Variants in ERC1 observed in about 807,000 individuals in gnomAD.
ERC1 encodes ELKS/RAB6-interacting/CAST family member 1.
A neutral mutation model predicts 132.0 loss-of-function variants in ERC1; 56 were observed. That is an observed-to-expected ratio of 0.42 (90% confidence interval 0.34 to 0.53). The LOEUF (loss-of-function observed/expected upper bound fraction) is 0.53, where lower values mean the gene tolerates loss of function less well. ERC1 is among the 20% of genes least tolerant of loss of function. The pLI, the probability that ERC1 is intolerant of heterozygous loss-of-function variation, is 0.03. For synonymous variants in ERC1, 478 were observed against 476.1 expected, an observed-to-expected ratio of 1.00 and a Z score of -0.05; for missense variants, 1,202 against 1,349.9, an observed-to-expected ratio of 0.89 and a Z score of 1.72.
At chr12:1,056,407 G>A (rs1201047328) in intron 2 of ERC1, among the ~76,000 whole-genome samples, 8 of 152,120 alleles carry the variant, frequency 5.3e-5, no homozygotes, top group Middle Eastern at 3.2e-3. Flanking sequence ...ATAGGCAAAA[G>A]AAAGAGAAGA....
chr12:1,263,504 T>C (rs1594638698), intron 14 of ERC1, among the ~76,000 whole-genome samples: 1 of 152,186 alleles, frequency 6.6e-6, no homozygotes, highest in East Asian at 1.9e-4. Flanking sequence ...GTATGAGAAT[T>C]GACTCATGTT....
At chr12:1,353,464 G>GTAATATAAT (rs2085225291) in intron 15 of ERC1, among the ~76,000 whole-genome samples, 1 of 152,142 alleles carries the variant, frequency 6.6e-6, no homozygotes, top group African/African-American at 2.4e-5. Flanking sequence ...AGCTCTTTCA[G>GTAATATAAT]TCTTAATAAT....
chr12:1,490,108 G>C lies in ERC1; in HGVS notation c.3229G>C (p.Glu1077Gln), dbSNP rs759970105. 26 of 1,613,920 alleles carry C rather than the reference G, an allele frequency of 1.6e-5. No individual in the cohort carries two copies. Among genetic ancestry groups the C allele is most frequent in the Non-Finnish European group, 1.8e-5 (21 of 1,179,892 alleles). Residue 1077 changes from glutamate to glutamine, a missense_variant, in exon 19 of 19, where the codon GAG (glutamate) becomes CAG (glutamine). Glu to Gln is a conservative substitution (Grantham distance 29, BLOSUM62 2). Coordinates refer to ENST00000360905, the MANE Select transcript of ERC1 (RefSeq NM_178040.4). ...MTRGQLQDEL[E>Q]KGERDNAELQ... Reference sequence around the variant, plus strand: ...TCCCTTTCAGCTTCAGGATGAGTTAGAGAAAGGTGAACGGGACAATGCAGA... The same window carrying C: ...TCCCTTTCAGCTTCAGGATGAGTTACAGAAAGGTGAACGGGACAATGCAGA...
chr12:1,025,475 A>C (rs17755802), intron 1 of ERC1, among the ~76,000 whole-genome samples: 259 of 152,250 alleles, frequency 1.7e-3, no homozygotes, highest in South Asian at 6.0e-3. Context: ...TTTTGACATA[A>C]TTAAGTGTGT....
intron 17 of ERC1, among the ~76,000 whole-genome samples, chr12:1,415,837 A>G (rs906552147): frequency 1.3e-5 from 2 of 152,238 alleles, no homozygotes; most frequent in African/African-American, 2.4e-5. Flanking sequence ...AACAAAGCCA[A>G]TGGAATTAAA....
chr12:1,493,551 ATATATAT>A lies in ERC1; in HGVS notation c.*3322_*3328del, dbSNP rs1565554183. The A allele has an allele frequency of 1.1e-4, 9 of 83,500 alleles. 1 individual carries two copies. The highest frequency in any genetic ancestry group is 4.4e-4 in the South Asian group (1 of 2,262). 5.2% of individuals were successfully genotyped at this position (83,500 alleles called of 1,614,324 possible). A position where few individuals can be genotyped will look rare whatever the true frequency, so the allele number is the denominator to read the frequency against. On this transcript the variant is annotated 3_prime_UTR_variant, in exon 19 of 19. Coordinates refer to ENST00000360905, the MANE Select transcript of ERC1 (RefSeq NM_178040.4). ...CCATTTAAAAAAAAAAAAAAAAAATATATATATATATATATATATATATATATGGATG... is the reference window on the plus strand; with the variant it reads ...CCATTTAAAAAAAAAAAAAAAAAATAATATATATATATATATATATGGATG...
At chr12:1,445,099 A>G (rs1001665482) in intron 18 of ERC1, 10 of 202,492 alleles carry the variant, frequency 4.9e-5, no homozygotes, top group African/African-American at 1.9e-4. Context: ...GAATGGCTAA[A>G]TAGAGCTAAC....
intron 7 of ERC1, among the ~76,000 whole-genome samples, chr12:1,116,988 T>G (rs1419770214): frequency 6.6e-6 from 1 of 152,208 alleles, no homozygotes; most frequent in East Asian, 1.9e-4. Context: ...ATTTAGTGTA[T>G]TTGCTAAATA....
At chr12:1,357,535 C>G (rs967644412) in intron 15 of ERC1, among the ~76,000 whole-genome samples, 2 of 152,266 alleles carry the variant, frequency 1.3e-5, no homozygotes, top group East Asian at 3.9e-4. Context: ...ACTTTATTTA[C>G]TTTTGGAGAC....
chr12:1,426,679 G>C (rs921986754), intron 17 of ERC1, among the ~76,000 whole-genome samples: 5 of 152,126 alleles, frequency 3.3e-5, no homozygotes, highest in Non-Finnish European at 5.9e-5. Context: ...GTGTGGTATA[G>C]TAATGCATAC....
intron 16 of ERC1, among the ~76,000 whole-genome samples, chr12:1,377,477 C>T (rs187558334): frequency 2.6e-5 from 4 of 152,286 alleles, no homozygotes; most frequent in East Asian, 3.9e-4. Flanking sequence ...CATGATAACA[C>T]GATTCAATGC....
intron 17 of ERC1, among the ~76,000 whole-genome samples, chr12:1,432,675 C>A (rs2092830994): frequency 6.6e-6 from 1 of 152,168 alleles, no homozygotes; most frequent in Admixed American, 6.5e-5. Context: ...TACACTGTTA[C>A]CAAAGCAACT....
intron 1 of ERC1, among the ~76,000 whole-genome samples, chr12:994,664 A>G (rs1017903686): frequency 1.3e-5 from 2 of 152,214 alleles, no homozygotes; most frequent in African/African-American, 2.4e-5. Flanking sequence ...TTTTTACTTA[A>G]TAAGTATATA....
intron 16 of ERC1, among the ~76,000 whole-genome samples, chr12:1,374,394 C>G (rs1215887746): frequency 6.6e-6 from 1 of 152,154 alleles, no homozygotes; most frequent in Non-Finnish European, 1.5e-5. Flanking sequence ...CCCCCCACCC[C>G]CTACAGGGTA....
intron 2 of ERC1, among the ~76,000 whole-genome samples, chr12:1,042,381 C>CT: frequency 8.1e-6 from 1 of 123,288 alleles, no homozygotes; most frequent in Non-Finnish European, 1.6e-5. Flanking sequence ...GAGTTTAGCT[C>CT]TGTTGCCCAG....
chr12:1,394,015 CAAAA>C (rs1216337061), intron 16 of ERC1, among the ~76,000 whole-genome samples: 43 of 26,926 alleles, frequency 1.6e-3, no homozygotes, highest in African/African-American at 7.4e-3. Flanking sequence ...GACTCCGTCT[CAAAA>C]AAAAAAAAAA....
chr12:1,490,632 G>T lies in ERC1; in HGVS notation c.*402G>T. 8.0e-6 allele frequency: 2 copies of T among 250,608 alleles called. No individual in the cohort carries two copies. The highest frequency in any genetic ancestry group is 1.6e-5 in the Non-Finnish European group (2 of 128,770). The allele number at this position is 250,608 out of a possible 1,614,324, so 15.5% of individuals were successfully genotyped here. A position where few individuals can be genotyped will look rare whatever the true frequency, so the allele number is the denominator to read the frequency against. On this transcript the variant is annotated 3_prime_UTR_variant, in exon 19 of 19. Transcript: ENST00000360905. ...TTGGAGTTCAACAGGCTGAGAGGAT[G>T]CCTCCAATGGACCAGAGAGCTGAGT...
intron 16 of ERC1, among the ~76,000 whole-genome samples, chr12:1,406,926 A>G (rs1428140776): frequency 6.6e-6 from 1 of 152,204 alleles, no homozygotes; most frequent in African/African-American, 2.4e-5. Flanking sequence ...TTTAAATCAT[A>G]CAGTATTAGC....
intron 15 of ERC1, among the ~76,000 whole-genome samples, chr12:1,314,055 G>C (rs187223566): frequency 3.7e-4 from 56 of 152,228 alleles, no homozygotes; most frequent in African/African-American, 1.3e-3. Context: ...GGTATGGTGA[G>C]TCTATGTTGC....
Sources: gnomAD v4.1 joint callset for allele counts (sites outside exome capture counted in the v4.1 genomes callset) on GRCh38, gnomAD v4.1.1 for gene constraint, MANE v1.5 for transcripts, NCBI Gene and HGNC (gene_info 2026-07-23, HGNC 2026-07-21) for gene names.